BPTF: variants seen among roughly 807,000 people sequenced by gnomAD.
BPTF encodes nucleosome-remodeling factor subunit BPTF.
Under a neutral mutation model 292.5 loss-of-function variants are expected in BPTF, and 18 were observed. The observed-to-expected ratio is 0.06, with a 90% confidence interval of 0.04 to 0.09. The LOEUF is 0.09. Among genes scored for constraint, BPTF ranks in the 10% least tolerant of loss-of-function variants. BPTF has a pLI of 1.00. For synonymous variants in BPTF, 1,225 were observed against 1,251.9 expected (o/e 0.98, Z 0.45); for missense variants, 2,726 against 3,498.7 (o/e 0.78, Z 5.57).
chr17:67,901,361 G>T (rs780977991), intron 7 of BPTF, among the ~76,000 whole-genome samples: 8 of 150,788 alleles, frequency 5.3e-5, no homozygotes, highest in Non-Finnish European at 1.0e-4. Context: ...AAGAAAGCAT[G>T]AATTAATTTA....
intron 9 of BPTF, among the ~76,000 whole-genome samples, chr17:67,906,557 G>A (rs537799079): frequency 2.6e-5 from 4 of 152,288 alleles, no homozygotes; most frequent in African/African-American, 4.8e-5. Flanking sequence ...CATATGCACA[G>A]AGTGATAGAA....
intron 4 of BPTF, among the ~76,000 whole-genome samples, chr17:67,888,792 A>G (rs1239801230): frequency 6.6e-6 from 1 of 152,010 alleles, no homozygotes; most frequent in Non-Finnish European, 1.5e-5. Flanking sequence ...ATATAAGAAG[A>G]TTCCCCTTCT....
rs78046203 is a variant in BPTF, at chr17:67,933,754, C to T, written c.6259+1735C>T. Among the ~76,000 whole-genome samples, 722 of 152,168 alleles carry T rather than the reference C, an allele frequency of 4.7e-3. 6 individuals are homozygous for T. The highest frequency in any genetic ancestry group is 0.016 in the African/African-American group (665 of 41,522). On this transcript the variant is annotated intron_variant, in intron 18 of 27. Coordinates refer to ENST00000306378, the MANE Select transcript of BPTF (RefSeq NM_182641.4). ...TTTTGTGCCTTCTGAAATACACATT[C>T]ATTTAAAATATTTGTAGGCTTAACC...
chr17:67,982,305 C>T lies in BPTF; in HGVS notation c.*17C>T, dbSNP rs1555697076. The T allele has an allele frequency of 6.2e-7, 1 of 1,603,334 alleles. No homozygotes were observed. The highest frequency in any genetic ancestry group is 1.1e-5 in the South Asian group (1 of 90,516). ...GCTTCTTAAAGTTCAGCGTGTTAAC[C>T]TAACATAAAACACAGCAAGAATCTG... On this transcript the variant is annotated 3_prime_UTR_variant, in exon 28 of 28. Coordinates refer to ENST00000306378, the MANE Select transcript of BPTF (RefSeq NM_182641.4).
At chr17:67,862,436 C>T (rs1225761059) in intron 2 of BPTF, among the ~76,000 whole-genome samples, 1 of 152,120 alleles carries the variant, frequency 6.6e-6, no homozygotes, top group Admixed American at 6.6e-5. Flanking sequence ...TATGTACCGT[C>T]ACCCTATTTT....
At position 67,892,032 on chromosome 17, in the gene BPTF, G is replaced by C; in HGVS notation, c.2053G>C (p.Glu685Gln). Residue 685 changes from glutamate to glutamine, a missense_variant and splice_region_variant, in exon 5 of 28, where the codon GAG (glutamate) becomes CAG (glutamine). Glu to Gln is a conservative substitution (Grantham distance 29, BLOSUM62 2). Around this residue, in one of 22 missense-constraint regions of BPTF, gnomAD observed 63 missense variants for 84.1 expected, o/e 0.75. Coordinates refer to ENST00000306378, the MANE Select transcript of BPTF (RefSeq NM_182641.4). ...AAATAAATTATTTAAGGAGGGCAAA[G>C]AGGTGTGTTCTTTCTGTTTAAAACA... ...EANKLFKEGK[E>Q]VLVVNSQGEI... The C allele has an allele frequency of 6.3e-7, 1 of 1,581,942 alleles. No homozygotes were observed. Among genetic ancestry groups the C allele is most frequent in the Non-Finnish European group, 8.6e-7 (1 of 1,164,250 alleles).
In BPTF at chr17:67,893,507, C is replaced by A; in HGVS notation, c.2193C>A (p.Thr731=). The change falls in exon 6 of 28, where the codon ACC becomes ACA. Residue 731 remains threonine, a synonymous_variant. Transcript: ENST00000306378. ...GCGTCTACCACAATCAATACTCCAC[C>A]AATTCATTTGCTTTGAATAAGCACC... ...KYRVYHNQYS[T]NSFALNKHQH... is the part of the protein sequence containing the mutation. 1 of 1,614,094 alleles carries A rather than the reference C, an allele frequency of 6.2e-7. No homozygotes were observed. Among genetic ancestry groups the A allele is most frequent in the Non-Finnish European group, 8.5e-7 (1 of 1,179,990 alleles).
intron 18 of BPTF, chr17:67,936,780 G>GT (rs1284679716): frequency 1.3e-5 from 2 of 152,182 alleles, no homozygotes; most frequent in Admixed American, 6.5e-5. Context: ...GTGCCAGGGT[G>GT]TATGTGTTTT....
At chr17:67,954,590 C>T (rs575335234) in intron 23 of BPTF, among the ~76,000 whole-genome samples, 4 of 152,290 alleles carry the variant, frequency 2.6e-5, no homozygotes, top group Admixed American at 6.5e-5. Flanking sequence ...CCTAGCAGGC[C>T]TGCAGTTTTA....
At chr17:67,958,110 T>G (rs1411821502) in intron 23 of BPTF, among the ~76,000 whole-genome samples, 1 of 152,136 alleles carries the variant, frequency 6.6e-6, no homozygotes, top group Non-Finnish European at 1.5e-5. Context: ...GGCAGGTCAC[T>G]TGAGGTCAGG....
At chr17:67,959,057 TAATA>T (rs1369968480) in intron 23 of BPTF, among the ~76,000 whole-genome samples, 3 of 152,216 alleles carry the variant, frequency 2.0e-5, no homozygotes, top group East Asian at 1.9e-4. Flanking sequence ...AGGAGCATCA[TAATA>T]AATAAGGCAA....
At chr17:67,961,136 G>C (rs1444745468) in intron 24 of BPTF, among the ~76,000 whole-genome samples, 4 of 151,984 alleles carry the variant, frequency 2.6e-5, no homozygotes, top group African/African-American at 4.8e-5. Flanking sequence ...AAATAACAAG[G>C]CTTCTTTGGC....
chr17:67,835,573 T>C (rs1273951345), intron 1 of BPTF, among the ~76,000 whole-genome samples: 4 of 152,192 alleles, frequency 2.6e-5, no homozygotes, highest in Non-Finnish European at 5.9e-5. Flanking sequence ...TGGGGTCATG[T>C]GTGAGATGAC....
chr17:67,827,324 G>A (rs908782708), intron 1 of BPTF, among the ~76,000 whole-genome samples: 1 of 152,042 alleles, frequency 6.6e-6, no homozygotes, highest in African/African-American at 2.4e-5. Context: ...CCCGAAATCC[G>A]TAATGAATTT....
intron 18 of BPTF, among the ~76,000 whole-genome samples, chr17:67,935,634 T>G (rs2064850544): frequency 6.6e-6 from 1 of 152,092 alleles, no homozygotes; most frequent in Non-Finnish European, 1.5e-5. Flanking sequence ...GAACTGTAGA[T>G]CACCTGAGGT....
intron 4 of BPTF, among the ~76,000 whole-genome samples, chr17:67,877,653 CTT>C (rs67006216): frequency 0.5 from 76,114 of 151,828 alleles, 23,774 homozygotes; most frequent in Non-Finnish European, 0.69. Flanking sequence ...GAGTCTCACT[CTT>C]TCACCCAGGC....
chr17:67,846,007 C>T (rs577509598), intron 1 of BPTF, among the ~76,000 whole-genome samples: 48 of 151,876 alleles, frequency 3.2e-4, no homozygotes, highest in Non-Finnish European at 5.4e-4. Context: ...TAAACTTTTT[C>T]GAAGCCAAAA....
In BPTF at chr17:67,825,930, G is replaced by T. The variant is rs1244643578; in HGVS notation, c.206G>T (p.Gly69Val). ...APKTRLSSPRGGSSSRRKPPP... is the reference protein window; with the variant it reads ...APKTRLSSPRVGSSSRRKPPP... ...AAGACGCGGCTGAGCTCGCCCAGGG[G>T]GGGCAGCAGTAGCCGGAGGAAGCCG... The change falls in exon 1 of 28, where the codon GGG becomes GTG. Residue 69 changes from glycine (G) to valine (V), a missense_variant. Coordinates refer to ENST00000306378, the MANE Select transcript of BPTF (RefSeq NM_182641.4). The T allele has an allele frequency of 1.5e-5, 15 of 1,015,616 alleles. No homozygotes were observed. Among genetic ancestry groups the T allele is most frequent in the South Asian group, 1.3e-4 (3 of 22,418 alleles). 62.9% of individuals were successfully genotyped at this position (1,015,616 alleles called of 1,614,324 possible).
At chr17:67,842,870 T>TGTGTTGCC (rs2057673002) in intron 1 of BPTF, among the ~76,000 whole-genome samples, 1 of 129,622 alleles carries the variant, frequency 7.7e-6, no homozygotes, top group Non-Finnish European at 1.7e-5. Flanking sequence ...TCTAAGAGAA[T>TGTGTTGCC]GTGTTGCCAA....
Sources: gnomAD v4.1 joint callset for allele counts (sites outside exome capture counted in the v4.1 genomes callset) on GRCh38, gnomAD v4.1.1 for gene constraint, gnomAD v4.1.1 regional missense constraint, MANE v1.5 for transcripts, NCBI Gene and HGNC (gene_info 2026-07-23, HGNC 2026-07-21) for gene names.